SPMIP7: variants seen among roughly 807,000 people sequenced by gnomAD.
The protein encoded by SPMIP7 is sperm microtubule inner protein 7, also known as protein SPMIP7.
chr7:50,120,662 G>C, the SPMIP7 span, among the ~76,000 whole-genome samples: 1 of 152,230 alleles, frequency 6.6e-6, no homozygotes, highest in Admixed American at 6.5e-5. Context: ...TATGGGAGTA[G>C]CTAACAGCTG....
chr7:50,151,522 A>C, the SPMIP7 span: 1 of 1,551,604 alleles, frequency 6.4e-7, no homozygotes, highest in Non-Finnish European at 8.7e-7. Flanking sequence ...CTAATATTCC[A>C]TCAACAACCC....
the SPMIP7 span, among the ~76,000 whole-genome samples, chr7:50,115,207 T>A: frequency 7.5e-4 from 114 of 152,218 alleles, no homozygotes; most frequent in African/African-American, 2.6e-3. Context: ...ACAAGAAATT[T>A]TACTAAGGAC....
At chr7:50,137,615 A>G in the SPMIP7 span, among the ~76,000 whole-genome samples, 1 of 152,132 alleles carries the variant, frequency 6.6e-6, no homozygotes, top group African/African-American at 2.4e-5. Flanking sequence ...AGTTTCAACA[A>G]TGGAATCTCC....
the SPMIP7 span, among the ~76,000 whole-genome samples, chr7:50,101,135 C>T: frequency 3.9e-5 from 6 of 152,248 alleles, no homozygotes; most frequent in Non-Finnish European, 8.8e-5. Context: ...CTGATAAACT[C>T]TGTTTACTTC....
the SPMIP7 span, among the ~76,000 whole-genome samples, chr7:50,127,615 T>TTATATATATATA: frequency 1.8e-4 from 13 of 72,310 alleles, no homozygotes; most frequent in East Asian, 9.7e-4. Flanking sequence ...TCATATCTTT[T>TTATATATATATA]TCTATATATA....
the SPMIP7 span, among the ~76,000 whole-genome samples, chr7:50,105,949 A>T: frequency 6.6e-6 from 1 of 152,192 alleles, no homozygotes; most frequent in Non-Finnish European, 1.5e-5. Context: ...CTACAAATTT[A>T]TGGCAAGATT....
chr7:50,113,006 T>C, the SPMIP7 span, among the ~76,000 whole-genome samples: 1 of 151,812 alleles, frequency 6.6e-6, no homozygotes, highest in African/African-American at 2.4e-5. Flanking sequence ...GAAGTGGGCA[T>C]AAGCTTTCCC....
chr7:50,096,455 G>A, the SPMIP7 span: 2 of 1,551,672 alleles, frequency 1.3e-6, no homozygotes, highest in Non-Finnish European at 1.7e-6. Context: ...TCCTGGCATT[G>A]GCAGAACCAT....
chr7:50,153,567 C>A, the SPMIP7 span, among the ~76,000 whole-genome samples: 26 of 152,204 alleles, frequency 1.7e-4, no homozygotes, highest in Non-Finnish European at 3.7e-4. Context: ...CTAATAATCA[C>A]TTCTGTTGGC....
chr7:50,096,211 T>C, the SPMIP7 span: 1 of 1,551,826 alleles, frequency 6.4e-7, no homozygotes. Context: ...TGAACATGCC[T>C]TTTGTGAAAG....
At chr7:50,140,294 C>T in the SPMIP7 span, 1 of 561,388 alleles carries the variant, frequency 1.8e-6, no homozygotes, top group Non-Finnish European at 3.0e-6. Flanking sequence ...TATATTGTAA[C>T]ACATTTCTAA....
chr7:50,136,706 T>C, the SPMIP7 span, among the ~76,000 whole-genome samples: 1 of 152,208 alleles, frequency 6.6e-6, no homozygotes, highest in Non-Finnish European at 1.5e-5. Flanking sequence ...TTAGAAACTA[T>C]GGTTTCATTA....
the SPMIP7 span, chr7:50,141,435 AAAC>A: frequency 8.7e-7 from 1 of 1,152,354 alleles, no homozygotes; most frequent in Middle Eastern, 1.9e-4. Flanking sequence ...ACTAAGGATG[AAAC>A]ATGATGATGG....
the SPMIP7 span, among the ~76,000 whole-genome samples, chr7:50,130,819 G>C: frequency 1.3e-5 from 2 of 152,052 alleles, no homozygotes; most frequent in East Asian, 3.9e-4. Context: ...AGGGAATATA[G>C]AGCAAAAGCC....
chr7:50,120,357 A>C, the SPMIP7 span: 2 of 152,150 alleles, frequency 1.3e-5, no homozygotes, highest in Non-Finnish European at 2.9e-5. Context: ...TTTGTAGCCA[A>C]TTATATTTTC....
the SPMIP7 span, among the ~76,000 whole-genome samples, chr7:50,110,468 T>C: frequency 6.8e-6 from 1 of 146,776 alleles, no homozygotes; most frequent in Non-Finnish European, 1.5e-5. Context: ...ATATGTGATA[T>C]ATATTTTTAT....
the SPMIP7 span, among the ~76,000 whole-genome samples, chr7:50,149,193 G>T: frequency 6.6e-6 from 1 of 151,900 alleles, no homozygotes; most frequent in East Asian, 1.9e-4. Flanking sequence ...TACCTTTCAA[G>T]ATGCCTCTGA....
At chr7:50,099,542 G>A in the SPMIP7 span, among the ~76,000 whole-genome samples, 1 of 152,148 alleles carries the variant, frequency 6.6e-6, no homozygotes, top group Non-Finnish European at 1.5e-5. Flanking sequence ...GTCTTGTAAA[G>A]AAGAAGACCT....
At chr7:50,140,222 T>C in the SPMIP7 span, 1 of 1,337,446 alleles carries the variant, frequency 7.5e-7, no homozygotes, top group South Asian at 1.5e-5. Flanking sequence ...ATTTTAGATT[T>C]ATATTTTGGT....
Sources: allele counts gnomAD v4.1 joint callset (sites outside exome capture counted in the v4.1 genomes callset), GRCh38; gene constraint gnomAD v4.1.1; transcripts MANE v1.5; gene names NCBI Gene and HGNC (gene_info 2026-07-23, HGNC 2026-07-21).